SGK3: variants seen among roughly 807,000 people sequenced by gnomAD.
The protein encoded by SGK3 is serine/threonine-protein kinase Sgk3.
A neutral mutation model predicts 68.5 loss-of-function variants in SGK3; 47 were observed. The observed-to-expected ratio is 0.69, with a 90% CI of 0.54 to 0.87. SGK3 has a LOEUF of 0.87. Among genes scored for constraint, SGK3 ranks in the 40% least tolerant of loss-of-function variants. The pLI is 0.00. For synonymous variants in SGK3, 181 were observed against 189.1 expected, an observed-to-expected ratio of 0.96 and a Z score of 0.35; for missense variants, 479 against 575.5, an observed-to-expected ratio of 0.83 and a Z score of 1.72.
chr8:66,722,191 A>G (rs1262101070), intron 1 of SGK3, among the ~76,000 whole-genome samples: 2 of 152,234 alleles, frequency 1.3e-5, no homozygotes, highest in Non-Finnish European at 1.5e-5. Context: ...CGCCGAGACA[A>G]TAGCTACTTA....
rs553755478 is a variant in SGK3 at position 66,822,786 on chromosome 8, T to C, written c.417+327T>C. 3.5e-4 allele frequency among the ~76,000 whole-genome samples: 53 copies of C among 152,166 alleles called. No homozygotes were observed. In the East Asian group the frequency reaches 9.1e-3, roughly 26 times the overall value. On this transcript the variant is annotated intron_variant, in intron 6 of 16. Coordinates refer to ENST00000521198, the MANE Select transcript of SGK3 (RefSeq NM_001033578.3). ...GGCGCCTGCCACCATGCCTGGCTAA[T>C]TTTTGCATTTTTTCAGTAGAGATGG...
chr8:66,843,624 A>ATCT, intron 14 of SGK3, 77 bp downstream of exon 14: 1 of 1,431,084 alleles, frequency 7.0e-7, no homozygotes, highest in Non-Finnish European at 9.7e-7. Flanking sequence ...CACCTTAAGA[A>ATCT]TCTCATGGAC....
chr8:66,749,180 C>G (rs993682102), intron 1 of SGK3, among the ~76,000 whole-genome samples: 1 of 152,130 alleles, frequency 6.6e-6, no homozygotes, highest in Non-Finnish European at 1.5e-5. Flanking sequence ...AGTCAATATA[C>G]GTCAAAATGG....
At chr8:66,724,183 T>C in intron 1 of SGK3, among the ~76,000 whole-genome samples, 1 of 152,234 alleles carries the variant, frequency 6.6e-6, no homozygotes, top group South Asian at 2.1e-4. Flanking sequence ...GAGGATCCTG[T>C]TGCCCAGGCT....
intron 1 of SGK3, among the ~76,000 whole-genome samples, chr8:66,784,678 A>C (rs1322125476): frequency 6.6e-6 from 1 of 152,206 alleles, no homozygotes; most frequent in Non-Finnish European, 1.5e-5. Flanking sequence ...AAAAATGGAT[A>C]CAATGATGAA....
At chr8:66,725,362 A>G (rs966194232) in intron 1 of SGK3, among the ~76,000 whole-genome samples, 2 of 151,906 alleles carry the variant, frequency 1.3e-5, no homozygotes, top group African/African-American at 4.8e-5. Context: ...AGATGGTGCC[A>G]CTGCACCCTA....
intron 1 of SGK3, among the ~76,000 whole-genome samples, chr8:66,729,517 C>G (rs905681782): frequency 1.3e-5 from 2 of 151,892 alleles, no homozygotes; most frequent in Non-Finnish European, 2.9e-5. Flanking sequence ...TTTGCTTATT[C>G]ATTCATCTAT....
Position 66,717,217 on chromosome 8 carries a change from AACAAAAAAAACAAAAAAAAC to A in SGK3, c.-122+4386_-122+4405del, listed in dbSNP as rs1464124596. ...TGAAACTCTTTATCTGAAAAAAAAA[AACAAAAAAAACAAAAAAAAC>A]AAAAAAAAAACGCTGGGCTTGGTGG... On this transcript the variant is annotated intron_variant, in intron 1 of 16. Transcript: ENST00000521198. Among the ~76,000 whole-genome samples, 293 of 115,788 alleles carry A rather than the reference AACAAAAAAAACAAAAAAAAC, an allele frequency of 2.5e-3. 10 individuals are homozygous for A. The highest frequency in any genetic ancestry group is 0.012 in the African/African-American group (238 of 19,544). The allele number at this position is 115,788 out of a possible 152,430, so 76.0% of individuals were successfully genotyped here.
intron 1 of SGK3, among the ~76,000 whole-genome samples, chr8:66,766,781 T>C (rs747109479): frequency 2.6e-5 from 4 of 152,240 alleles, no homozygotes; most frequent in Non-Finnish European, 2.9e-5. Context: ...TTTACCATTA[T>C]TAAATGACCT....
intron 1 of SGK3, among the ~76,000 whole-genome samples, chr8:66,774,755 G>A (rs955468714): frequency 1.3e-5 from 2 of 152,162 alleles, no homozygotes; most frequent in African/African-American, 4.8e-5. Flanking sequence ...GACTAGTAAA[G>A]GAATTGCTTC....
chr8:66,727,862 G>T (rs991810709), intron 1 of SGK3, among the ~76,000 whole-genome samples: 2 of 152,134 alleles, frequency 1.3e-5, no homozygotes, highest in Admixed American at 1.3e-4. Context: ...TGAGAAAGAC[G>T]CTGAGAAAAT....
chr8:66,805,441 C>G (rs1808116924), intron 4 of SGK3, among the ~76,000 whole-genome samples: 1 of 151,572 alleles, frequency 6.6e-6, no homozygotes. Context: ...ATTGCTTGAA[C>G]CCGGGAGGCA....
intron 1 of SGK3, among the ~76,000 whole-genome samples, chr8:66,769,148 A>T (rs1018610034): frequency 1.3e-5 from 2 of 152,088 alleles, no homozygotes; most frequent in African/African-American, 2.4e-5. Context: ...CACCATCTTT[A>T]TCTTCTCCTT....
In SGK3 at chr8:66,847,242, A is replaced by G; in HGVS notation, c.1124A>G (p.His375Arg). ...GCTGAAATGTATGACAATATCCTTC[A>G]CAAACCCCTAAGTTTGAGGCCAGGA... ...DVAEMYDNIL[H>R]KPLSLRPGVS... Residue 375 changes from histidine to arginine, a missense_variant, in exon 15 of 17, where the codon CAC (histidine) becomes CGC (arginine). By Grantham distance (29) the His-to-Arg change is conservative. This residue lies in a region of SGK3 where 173 missense variants were observed against 214.3 expected (regional missense o/e 0.81). Transcript: ENST00000521198. The G allele has an allele frequency of 6.2e-7, 1 of 1,613,198 alleles. No individual in the cohort carries two copies. The highest frequency in any genetic ancestry group is 8.5e-7 in the Non-Finnish European group (1 of 1,179,846).
rs564254789 is a variant in SGK3 at position 66,784,599 on chromosome 8, T to A, written c.-121-9017T>A. ...TTTTGACTTTTTTTATATAAAAAAA[T>A]TTTTTTTGACTGCCCTGAAACAAAG... On this transcript the variant is annotated intron_variant, in intron 1 of 16. Coordinates refer to ENST00000521198, the MANE Select transcript of SGK3 (RefSeq NM_001033578.3). Among the ~76,000 whole-genome samples the A allele has an allele frequency of 6.9e-4, 105 of 151,944 alleles. No individual in the cohort carries two copies. The Middle Eastern group carries it at 0.01, about 15-fold the overall frequency.
chr8:66,767,917 G>A, intron 1 of SGK3: 1 of 1,113,298 alleles, frequency 9.0e-7, no homozygotes, highest in Non-Finnish European at 1.4e-6. Context: ...TTTGATTGAA[G>A]GTCCAGACCC....
intron 5 of SGK3, among the ~76,000 whole-genome samples, chr8:66,819,221 C>A (rs954176187): frequency 6.6e-6 from 1 of 152,114 alleles, no homozygotes; most frequent in Non-Finnish European, 1.5e-5. Context: ...TAAAATGTAA[C>A]ATTTAATGCT....
chr8:66,750,445 T>A (rs1453638373), intron 1 of SGK3, among the ~76,000 whole-genome samples: 1 of 152,032 alleles, frequency 6.6e-6, no homozygotes, highest in Non-Finnish European at 1.5e-5. Context: ...TCAAAGAATG[T>A]AGAGTTTAGT....
chr8:66,784,040 G>A (rs1309409353), intron 1 of SGK3, among the ~76,000 whole-genome samples: 1 of 152,200 alleles, frequency 6.6e-6, no homozygotes, highest in East Asian at 1.9e-4. Context: ...CAGGACTACA[G>A]GTACGTGCCA....
Sources: allele counts gnomAD v4.1 joint callset (sites outside exome capture counted in the v4.1 genomes callset), GRCh38; gene constraint gnomAD v4.1.1; regional missense constraint gnomAD v4.1.1; transcripts MANE v1.5; gene names NCBI Gene and HGNC (gene_info 2026-07-23, HGNC 2026-07-21).